The following TOX3 variants were observed in gnomAD, a reference collection of about 807,000 sequenced individuals.
TOX3 encodes CAG trinucleotide repeat-containing gene F9 protein.
TOX3 carries 22 observed loss-of-function variants against 64.3 expected under a neutral mutation model. The ratio of observed to expected loss-of-function variants is 0.34; its 90% confidence interval spans 0.24 to 0.49. The LOEUF (loss-of-function observed/expected upper bound fraction) is 0.49. TOX3 is among the 20% of genes least tolerant of loss of function. TOX3 has a pLI of 0.99. For synonymous variants in TOX3, 291 were observed against 273.6 expected, an observed-to-expected ratio of 1.06 and a Z score of -0.63; for missense variants, 661 against 714.4, an observed-to-expected ratio of 0.93 and a Z score of 0.85.
chr16:52,488,406 C>T lies in TOX3; in HGVS notation c.88-19832G>A, dbSNP rs115749718. Among the ~76,000 whole-genome samples, 935 of 152,250 alleles carry T rather than the reference C, an allele frequency of 6.1e-3. 11 individuals are homozygous for T. The highest frequency in any genetic ancestry group is 0.021 in the African/African-American group (865 of 41,546). ...TTGTGTTGATAATGGTTAATTCTTC[C>T]TCTGCTCCATCCCACCACCCCCATG... On this transcript the variant is annotated intron_variant, in intron 1 of 6. Coordinates refer to ENST00000219746, the MANE Select transcript of TOX3 (RefSeq NM_001080430.4).
intron 1 of TOX3, among the ~76,000 whole-genome samples, chr16:52,521,489 G>T (rs1023453865): frequency 6.6e-6 from 1 of 152,148 alleles, no homozygotes; most frequent in Admixed American, 6.5e-5. Context: ...CAGGGGTCCA[G>T]GAAGTGCTTC....
chr16:52,483,380 T>C (rs1011399064), intron 1 of TOX3, among the ~76,000 whole-genome samples: 1 of 152,154 alleles, frequency 6.6e-6, no homozygotes, highest in African/African-American at 2.4e-5. Context: ...TCTTGACTCT[T>C]GCATTGCCTA....
intron 1 of TOX3, among the ~76,000 whole-genome samples, chr16:52,504,282 C>T (rs769106469): frequency 4.0e-5 from 6 of 151,800 alleles, no homozygotes; most frequent in African/African-American, 9.7e-5. Flanking sequence ...CTGGCTAAGA[C>T]GGTGAAACCC....
At position 52,498,591 on chromosome 16, in the gene TOX3, G is replaced by A. The variant is rs368490636; in HGVS notation, c.88-30017C>T. ...CAAATCTGAACCTTTGTGGGGTTGG[G>A]GGGGGGAGGCTGTATTTTCTAACAA... is the stretch of plus-strand genomic sequence containing the variant. On this transcript the variant is annotated intron_variant, in intron 1 of 6. Transcript: ENST00000219746. Among the ~76,000 whole-genome samples, 25 of 152,250 alleles carry A rather than the reference G, an allele frequency of 1.6e-4. No homozygotes were observed. In the East Asian group the frequency reaches 2.7e-3, roughly 16 times the overall value.
At chr16:52,453,846 C>A (rs538006678) in intron 3 of TOX3, among the ~76,000 whole-genome samples, 9 of 152,268 alleles carry the variant, frequency 5.9e-5, no homozygotes, top group Admixed American at 5.9e-4. Context: ...TATTATGGAT[C>A]TTGTTGCTGG....
In TOX3 at chr16:52,491,584, A is replaced by AT. The variant is rs1488861577; in HGVS notation, c.88-23011dup. The stretch of plus-strand genomic sequence containing the variant: ...ACCTTGTTTGATCATCAGAGTTGCA[A>AT]TTTTACATGTCTTTGGGTAATTATT... On this transcript the variant is annotated intron_variant, in intron 1 of 6. Transcript: ENST00000219746. Among the ~76,000 whole-genome samples, 6 of 152,134 alleles carry AT rather than the reference A, an allele frequency of 3.9e-5. No homozygotes were observed. In the East Asian group the frequency reaches 1.2e-3, roughly 29 times the overall value.
intron 1 of TOX3, among the ~76,000 whole-genome samples, chr16:52,540,432 A>C (rs1963053573): frequency 6.6e-6 from 1 of 151,956 alleles, no homozygotes; most frequent in South Asian, 2.1e-4. Context: ...ATATTCCTCG[A>C]ATGCACTCAG....
At chr16:52,493,671 C>T (rs1961761749) in intron 1 of TOX3, among the ~76,000 whole-genome samples, 1 of 152,144 alleles carries the variant, frequency 6.6e-6, no homozygotes, top group Non-Finnish European at 1.5e-5. Flanking sequence ...ATCACAGAAT[C>T]ATCTTAAAAA....
chr16:52,525,329 GA>G (rs991962542), intron 1 of TOX3, among the ~76,000 whole-genome samples: 28 of 152,164 alleles, frequency 1.8e-4, no homozygotes, highest in African/African-American at 6.5e-4. Flanking sequence ...GGGAATGGAA[GA>G]AAACCTTATG....
chr16:52,464,947 C>T (rs906225242), intron 2 of TOX3, among the ~76,000 whole-genome samples: 1 of 147,448 alleles, frequency 6.8e-6, no homozygotes, highest in African/African-American at 2.5e-5. Context: ...AGATTTGATG[C>T]TGTTCGCTTA....
chr16:52,509,461 A>T (rs1476440014), intron 1 of TOX3, among the ~76,000 whole-genome samples: 2 of 152,246 alleles, frequency 1.3e-5, no homozygotes, highest in African/African-American at 4.8e-5. Flanking sequence ...CTAAAACCAA[A>T]TTCTTCAGCA....
At chr16:52,511,516 G>C (rs1472668036) in intron 1 of TOX3, among the ~76,000 whole-genome samples, 1 of 152,092 alleles carries the variant, frequency 6.6e-6, no homozygotes, top group African/African-American at 2.4e-5. Flanking sequence ...AAAAGGTAAG[G>C]CCTACTGAAA....
chr16:52,471,238 C>G (rs1446573716), intron 1 of TOX3, among the ~76,000 whole-genome samples: 5 of 152,106 alleles, frequency 3.3e-5, no homozygotes, highest in African/African-American at 1.2e-4. Context: ...GGCTACCCTA[C>G]CATGGTGGTT....
intron 2 of TOX3, among the ~76,000 whole-genome samples, chr16:52,466,490 G>T (rs1825463178): frequency 6.6e-6 from 1 of 152,186 alleles, no homozygotes; most frequent in South Asian, 2.1e-4. Context: ...TTTTAATGCA[G>T]TGACTGGGAA....
intron 1 of TOX3, among the ~76,000 whole-genome samples, chr16:52,469,688 A>G (rs969738093): frequency 9.9e-5 from 15 of 152,210 alleles, no homozygotes; most frequent in African/African-American, 2.9e-4. Context: ...GGGTAGGTAC[A>G]TAGATAAATA....
chr16:52,488,734 G>A (rs1472300600), intron 1 of TOX3, among the ~76,000 whole-genome samples: 1 of 152,142 alleles, frequency 6.6e-6, no homozygotes, highest in Non-Finnish European at 1.5e-5. Context: ...TTCAACAAAT[G>A]TGTACTGAGC....
intron 1 of TOX3, among the ~76,000 whole-genome samples, chr16:52,527,321 T>G (rs1471854929): frequency 6.6e-6 from 1 of 152,204 alleles, no homozygotes; most frequent in Non-Finnish European, 1.5e-5. Context: ...TATTTATTAT[T>G]TTAATATCAT....
At chr16:52,454,306 G>A (rs892653311) in intron 3 of TOX3, among the ~76,000 whole-genome samples, 1 of 152,080 alleles carries the variant, frequency 6.6e-6, no homozygotes, top group African/African-American at 2.4e-5. Context: ...TACTGGTGGT[G>A]GGGCCAAGGC....
intron 6 of TOX3, 44 bp downstream of exon 6, chr16:52,444,232 C>A: frequency 6.9e-7 from 1 of 1,454,950 alleles, no homozygotes; most frequent in Non-Finnish European, 9.3e-7. Flanking sequence ...CTGTTTTCCA[C>A]GCTGTGACTA....
Sources: allele counts gnomAD v4.1 joint callset (sites outside exome capture counted in the v4.1 genomes callset), GRCh38; gene constraint gnomAD v4.1.1; transcripts MANE v1.5; gene names NCBI Gene and HGNC (gene_info 2026-07-23, HGNC 2026-07-21).